Variants in XKR6 observed in about 807,000 individuals in gnomAD.
The protein encoded by XKR6 is XK related 6, also known as XK-related protein 6.
A neutral mutation model predicts 56.7 loss-of-function variants in XKR6; 22 were observed. The ratio of observed to expected loss-of-function variants is 0.39; its 90% CI spans 0.28 to 0.55. The LOEUF (loss-of-function observed/expected upper bound fraction) is 0.55. Ranked by LOEUF, XKR6 falls within the 20% of genes least tolerant of loss-of-function variation. The probability of loss-of-function intolerance (pLI) is 0.66; values close to 1 mark genes in which losing one functional copy is unlikely to be tolerated. For synonymous variants in XKR6, 524 were observed against 387.8 expected (o/e 1.35, Z -4.13); for missense variants, 852 against 889.0 (o/e 0.96, Z 0.53).
At chr8:10,968,514 T>G (rs1802300769) in intron 1 of XKR6, among the ~76,000 whole-genome samples, 2 of 152,352 alleles carry the variant, frequency 1.3e-5, no homozygotes, top group Middle Eastern at 3.4e-3. Flanking sequence ...GAACTCATTC[T>G]GGATTGCAGT....
chr8:11,098,478 G>A (rs894478802), intron 1 of XKR6, among the ~76,000 whole-genome samples: 1 of 152,140 alleles, frequency 6.6e-6, no homozygotes, highest in Non-Finnish European at 1.5e-5. Flanking sequence ...GGAATACGAG[G>A]TGTCAGAAAG....
rs928638273 is a variant in XKR6, at chr8:11,038,986, G to A, written c.765-114156C>T. Among the ~76,000 whole-genome samples, 8 of 152,216 alleles carry A rather than the reference G, an allele frequency of 5.3e-5. 1 individual carries two copies. Among genetic ancestry groups the A allele is most frequent in the Non-Finnish European group, 7.4e-5 (5 of 68,012 alleles). ...CTTACCGCCCAACTCAGTTGTCGAC[G>A]CCACCCCCAGCTGCAGGGCGGGTGG... On this transcript the variant is annotated intron_variant, in intron 1 of 2. Transcript: ENST00000416569.
intron 1 of XKR6, among the ~76,000 whole-genome samples, chr8:10,966,489 T>A (rs1025622748): frequency 6.6e-6 from 1 of 152,104 alleles, no homozygotes; most frequent in African/African-American, 2.4e-5. Context: ...CTAGCCAACA[T>A]GGTGAAACCC....
chr8:11,095,637 A>C (rs186860613), intron 1 of XKR6, among the ~76,000 whole-genome samples: 1 of 152,354 alleles, frequency 6.6e-6, no homozygotes, highest in East Asian at 1.9e-4. Context: ...AAATCTAATG[A>C]GTAACTCAAG....
chr8:10,962,101 C>T (rs1312276207), intron 1 of XKR6, among the ~76,000 whole-genome samples: 5 of 152,240 alleles, frequency 3.3e-5, no homozygotes, highest in African/African-American at 1.2e-4. Context: ...CTAATCATGA[C>T]TTTCCGCGGG....
chr8:11,186,905 T>G (rs895722983), intron 1 of XKR6, among the ~76,000 whole-genome samples: 4 of 152,228 alleles, frequency 2.6e-5, no homozygotes, highest in Non-Finnish European at 5.9e-5. Context: ...GTGGATTTAC[T>G]GCCTCTCATA....
chr8:10,974,068 T>C (rs1802483289), intron 1 of XKR6, among the ~76,000 whole-genome samples: 1 of 152,192 alleles, frequency 6.6e-6, no homozygotes, highest in South Asian at 2.1e-4. Context: ...CTAGTTCAAA[T>C]ATGTATTTTT....
intron 1 of XKR6, among the ~76,000 whole-genome samples, chr8:11,181,395 T>C (rs1363441980): frequency 6.6e-6 from 1 of 152,232 alleles, no homozygotes; most frequent in Non-Finnish European, 1.5e-5. Context: ...AATTTTATTC[T>C]TGAATATGGA....
rs183658475 is a variant in XKR6 at position 10,900,308 on chromosome 8, G to A, written c.962-1392C>T. On this transcript the variant is annotated intron_variant, in intron 2 of 2. Transcript: ENST00000416569. ...TCCCCAGACCACCAGGCTTCTGCTCGTCTCTCCCCGGGACCTGCCCAACTC... is the reference window on the plus strand; with the variant it reads ...TCCCCAGACCACCAGGCTTCTGCTCATCTCTCCCCGGGACCTGCCCAACTC... Among the ~76,000 whole-genome samples, 10 of 152,128 alleles carry A rather than the reference G, an allele frequency of 6.6e-5. No individual in the cohort carries two copies. The East Asian group carries it at 1.2e-3, about 18-fold the overall frequency.
chr8:11,030,964 G>A (rs1389408844), intron 1 of XKR6, among the ~76,000 whole-genome samples: 1 of 152,172 alleles, frequency 6.6e-6, no homozygotes. Flanking sequence ...AGAAAACTGA[G>A]GCTCTGAGAA....
In XKR6 at chr8:10,896,189, C is replaced by G. The variant is rs1428235230; in HGVS notation, c.*1763G>C. On this transcript the variant is annotated 3_prime_UTR_variant, in exon 3 of 3. Coordinates refer to ENST00000416569, the MANE Select transcript of XKR6 (RefSeq NM_173683.4). ...GAGATACGATGCGATTGAAACGATG[C>G]CCTAGAACAGAAATATTCTTTAAAG... 1 of 149,084 alleles carries G rather than the reference C, an allele frequency of 6.7e-6. No individual in the cohort carries two copies. The highest frequency in any genetic ancestry group is 1.5e-5 in the Non-Finnish European group (1 of 67,512). The allele number at this position is 149,084 out of a possible 1,614,324, so 9.2% of individuals were successfully genotyped here.
chr8:10,977,355 G>A (rs1802597220), intron 1 of XKR6, among the ~76,000 whole-genome samples: 1 of 152,054 alleles, frequency 6.6e-6, no homozygotes, highest in African/African-American at 2.4e-5. Flanking sequence ...GCCAACTGGA[G>A]AATACATGTG....
chr8:11,114,727 ATGTGTGTG>A (rs58011023), intron 1 of XKR6, among the ~76,000 whole-genome samples: 1,750 of 118,474 alleles, frequency 0.015, 36 homozygotes, highest in African/African-American at 0.037. Context: ...TAGATCACAT[ATGTGTGTG>A]TGTGTGTGTG....
In XKR6 at chr8:11,200,596, C is replaced by T. The variant is rs750165179; in HGVS notation, c.744G>A (p.Leu248=). 17 of 1,528,516 alleles carry T rather than the reference C, an allele frequency of 1.1e-5. No homozygotes were observed. Among genetic ancestry groups the T allele is most frequent in the Middle Eastern group, 1.8e-4 (1 of 5,674 alleles). The allele number at this position is 1,528,516 out of a possible 1,614,324, so 94.7% of individuals were successfully genotyped here. A position where few individuals can be genotyped will look rare whatever the true frequency, so the allele number is the denominator to read the frequency against. The change falls in exon 1 of 3, where the codon CTG becomes CTA. Residue 248 remains leucine (L), a synonymous_variant. Coordinates refer to ENST00000416569, the MANE Select transcript of XKR6 (RefSeq NM_173683.4). The surrounding 1 kb of genome is among the most constrained non-coding windows in gnomAD (Gnocchi z 6.4). Reference sequence around the variant, plus strand: ...CTTACCTCCACACCTGCCCCATCTGCAGCAGGTGGATGACCGACTGCCAGA... The same window carrying T: ...CTTACCTCCACACCTGCCCCATCTGTAGCAGGTGGATGACCGACTGCCAGA... The part of the protein sequence containing the change: ...VWIWQSVIHL[L]QMGQVWRYIR...
intron 1 of XKR6, among the ~76,000 whole-genome samples, chr8:11,140,086 G>T (rs1800611974): frequency 6.6e-6 from 1 of 151,590 alleles, no homozygotes; most frequent in South Asian, 2.1e-4. Context: ...ACACAAAAAT[G>T]CTTTAAGAGA....
intron 1 of XKR6, among the ~76,000 whole-genome samples, chr8:11,155,302 C>T (rs929566794): frequency 4.6e-5 from 7 of 152,062 alleles, no homozygotes; most frequent in African/African-American, 1.7e-4. Flanking sequence ...AATTACGGGT[C>T]GAGTATTCCA....
intron 1 of XKR6, among the ~76,000 whole-genome samples, chr8:10,949,782 T>A (rs1801663731): frequency 6.6e-6 from 1 of 152,104 alleles, no homozygotes; most frequent in Non-Finnish European, 1.5e-5. Context: ...AGGAGGGAAC[T>A]CCTAGCCCAA....
chr8:11,018,963 C>T (rs1368320249), intron 1 of XKR6, among the ~76,000 whole-genome samples: 1 of 152,174 alleles, frequency 6.6e-6, no homozygotes, highest in African/African-American at 2.4e-5. Flanking sequence ...GACCCTCTGC[C>T]TGGGCCACCC....
chr8:10,963,719 T>A (rs1376986168), intron 1 of XKR6, among the ~76,000 whole-genome samples: 2 of 151,644 alleles, frequency 1.3e-5, no homozygotes, highest in Non-Finnish European at 2.9e-5. Context: ...TAATTTTAAT[T>A]GTTTTGTAGA....
Sources: gnomAD v4.1 joint callset for allele counts (sites outside exome capture counted in the v4.1 genomes callset) on GRCh38, gnomAD v4.1.1 for gene constraint, Gnocchi (gnomAD v3.1) non-coding constraint, MANE v1.5 for transcripts, NCBI Gene and HGNC (gene_info 2026-07-23, HGNC 2026-07-21) for gene names.